Variants in KLHL25 observed in about 807,000 individuals in gnomAD.
KLHL25 encodes the protein kelch-like protein 25.
Under a neutral mutation model 30.0 loss-of-function variants are expected in KLHL25, and 41 were observed. That is an observed-to-expected ratio of 1.37 (90% CI 1.07 to 1.78). KLHL25 has a LOEUF of 1.78. KLHL25 is among the 40% of genes most tolerant of loss of function. The pLI is 0.00. For synonymous variants in KLHL25, 399 were observed against 355.3 expected (o/e 1.12, Z -1.38); for missense variants, 971 against 824.5 (o/e 1.18, Z -2.18).
At chr15:85,761,916 T>C (rs2089585978) in intron 2 of KLHL25, 1 of 152,256 alleles carries the variant, frequency 6.6e-6, no homozygotes, top group South Asian at 2.1e-4. Flanking sequence ...TCTAGTTGTA[T>C]GCTTGTGTGT....
At chr15:85,783,435 T>C (rs2089758275) in intron 1 of KLHL25, among the ~76,000 whole-genome samples, 1 of 151,830 alleles carries the variant, frequency 6.6e-6, no homozygotes, top group African/African-American at 2.4e-5. Context: ...TTCATGCCTA[T>C]AATCACAGCA....
intron 1 of KLHL25, among the ~76,000 whole-genome samples, chr15:85,779,185 C>T (rs2089728929): frequency 1.3e-5 from 2 of 152,152 alleles, no homozygotes; most frequent in African/African-American, 4.8e-5. Context: ...TGGGCAGCAC[C>T]TGCCTTTCTG....
chr15:85,787,998 G>A lies in KLHL25; in HGVS notation c.-11+6768C>T, dbSNP rs893292659. On this transcript the variant is annotated intron_variant, in intron 1 of 2. Coordinates refer to ENST00000337975, the MANE Select transcript of KLHL25 (RefSeq NM_022480.4). Reference sequence around the variant, plus strand: ...AATTGCTTGAACCCGGGAAGCGGAGGTGAGCTGAGATCGCGCCACCGCACT... The same window carrying A: ...AATTGCTTGAACCCGGGAAGCGGAGATGAGCTGAGATCGCGCCACCGCACT... 1.9e-4 allele frequency among the ~76,000 whole-genome samples: 28 copies of A among 145,210 alleles called. 1 individual carries two copies.
intron 1 of KLHL25, among the ~76,000 whole-genome samples, chr15:85,776,355 GGC>G (rs1433224703): frequency 6.6e-6 from 1 of 151,848 alleles, no homozygotes; most frequent in Non-Finnish European, 1.5e-5. Flanking sequence ...TGGGCATGGT[GGC>G]ACGCACCTGT....
rs143641376 is a variant in KLHL25, at chr15:85,769,494, T to G, written c.317A>C (p.Tyr106Ser). 6.2e-7 allele frequency: 1 copy of G among 1,613,676 alleles called. No homozygotes were observed. The highest frequency in any genetic ancestry group is 8.5e-7 in the Non-Finnish European group (1 of 1,179,976). Residue 106 changes from tyrosine to serine, a missense_variant, in exon 2 of 3, where the codon TAC becomes TCC. Coordinates refer to ENST00000337975, the MANE Select transcript of KLHL25 (RefSeq NM_022480.4). ...CTCGTTGATGGCGATGCGTGAGGAG[T>G]AGGCAAAGTCCAGCAGCAGCTCCAG... ...EVLELLLDFA[Y>S]SSRIAINEEN...
Position 85,768,167 on chromosome 15 carries a change from C to G in KLHL25, c.1644G>C (p.Gly548=). 6.2e-7 allele frequency: 1 copy of G among 1,614,196 alleles called. No homozygotes were observed. Among genetic ancestry groups the G allele is most frequent in the Middle Eastern group, 1.6e-4 (1 of 6,062 alleles). ...AGTCCAGAGTCTTACACCTCTGGGT[C>G]CCAAAGTAGCCCCCGACCACATAGA... ...NKLYVVGGYF[G]TQRCKTLDCY... The change falls in exon 2 of 3, where the codon GGG becomes GGC. Residue 548 remains glycine, a synonymous_variant. Transcript: ENST00000337975.
chr15:85,785,087 C>CTTTT (rs754310721), intron 1 of KLHL25, among the ~76,000 whole-genome samples: 4 of 139,070 alleles, frequency 2.9e-5, no homozygotes, highest in African/African-American at 5.3e-5. Context: ...TGATGTATTT[C>CTTTT]TTTTTTCTTT....
In KLHL25 at chr15:85,769,640, G is replaced by A. The variant is rs776867110; in HGVS notation, c.171C>T (p.Phe57=). ...DVTLWAGDRA[F]PCHRAVLAAS... The stretch of plus-strand genomic sequence containing the variant: ...CGGCCAGCACGGCACGGTGACAGGG[G>A]AAGGCACGGTCGCCCGCCCAGAGTG... Residue 57 remains phenylalanine (F), a synonymous_variant, in exon 2 of 3, where the codon TTC becomes TTT. Transcript: ENST00000337975. 6.2e-7 allele frequency: 1 copy of A among 1,613,578 alleles called. No individual in the cohort carries two copies.
chr15:85,786,516 T>G (rs953438417), intron 1 of KLHL25, among the ~76,000 whole-genome samples: 1 of 152,258 alleles, frequency 6.6e-6, no homozygotes, highest in Non-Finnish European at 1.5e-5. Context: ...CCACTGCCCC[T>G]TTCTGGGCCT....
chr15:85,764,842 C>G (rs1213503312), intron 2 of KLHL25, among the ~76,000 whole-genome samples: 2 of 152,264 alleles, frequency 1.3e-5, no homozygotes, highest in Non-Finnish European at 2.9e-5. Flanking sequence ...ATGAGTAATA[C>G]AATTTCCACT....
At position 85,769,741 on chromosome 15, in the gene KLHL25, G is replaced by A; in HGVS notation, c.70C>T (p.His24Tyr). Reference protein sequence around the residue: ...STGSMNVTLFHKASHPDCVLA... With the variant: ...STGSMNVTLFYKASHPDCVLA... The stretch of plus-strand genomic sequence containing the variant: ...ACACAGTCCGGGTGGGAGGCCTTGT[G>A]GAAGAGGGTGACGTTCATGGACCCC... The change falls in exon 2 of 3, where the codon CAC (histidine) becomes TAC (tyrosine). Residue 24 changes from histidine (H) to tyrosine (Y), a missense_variant. Transcript: ENST00000337975. 1.2e-6 allele frequency: 2 copies of A among 1,613,756 alleles called. No individual in the cohort carries two copies. The highest frequency in any genetic ancestry group is 1.6e-4 in the Middle Eastern group (1 of 6,062).
At chr15:85,783,351 C>A (rs1199137824) in intron 1 of KLHL25, among the ~76,000 whole-genome samples, 1 of 151,914 alleles carries the variant, frequency 6.6e-6, no homozygotes, top group Non-Finnish European at 1.5e-5. Flanking sequence ...GCCTTGGCCT[C>A]CCAAAGTGCT....
chr15:85,775,911 C>A (rs550821450), intron 1 of KLHL25, among the ~76,000 whole-genome samples: 9 of 148,334 alleles, frequency 6.1e-5, no homozygotes, highest in South Asian at 2.1e-4. Context: ...TGGTGGCTCA[C>A]ACCTGCAATC....
At chr15:85,790,861 T>C (rs1296804830) in intron 1 of KLHL25, among the ~76,000 whole-genome samples, 1 of 151,320 alleles carries the variant, frequency 6.6e-6, no homozygotes, top group African/African-American at 2.4e-5. Flanking sequence ...TATGGTGCAA[T>C]TTCTCAATGA....
chr15:85,792,636 CCTT>C (rs986007966), intron 1 of KLHL25, among the ~76,000 whole-genome samples: 4 of 152,190 alleles, frequency 2.6e-5, no homozygotes, highest in African/African-American at 9.7e-5. Context: ...CGAGAGCAAA[CCTT>C]CTACCACCTC....
At chr15:85,786,544 G>A (rs566467717) in intron 1 of KLHL25, among the ~76,000 whole-genome samples, 3 of 152,318 alleles carry the variant, frequency 2.0e-5, no homozygotes, top group Non-Finnish European at 4.4e-5. Context: ...GACCAGCTAC[G>A]GAACTCTCTC....
At position 85,769,380 on chromosome 15, in the gene KLHL25, A is replaced by AGGTTCT; in HGVS notation, c.425_430dup (p.Asn143_Leu144insGlnAsn). ...CATGCCCAGGCAGTTGGAGGGGAAA[A>AGGTTCT]GGTTCTTCTCCAGGAACTCGGCGGC... is the stretch of plus-strand genomic sequence containing the variant. On this transcript the variant is annotated inframe_insertion, in exon 2 of 3. Transcript: ENST00000337975. 6.2e-7 allele frequency: 1 copy of AGGTTCT among 1,614,116 alleles called. No individual in the cohort carries two copies. The highest frequency in any genetic ancestry group is 8.5e-7 in the Non-Finnish European group (1 of 1,180,034).
At chr15:85,765,638 AGAAG>A in intron 2 of KLHL25, among the ~76,000 whole-genome samples, 1 of 98,390 alleles carries the variant, frequency 1.0e-5, no homozygotes, top group Admixed American at 1.1e-4. Flanking sequence ...AAAAAAAAGA[AGAAG>A]AAGAAGAAGA....
At chr15:85,774,109 G>A (rs1475724009) in intron 1 of KLHL25, among the ~76,000 whole-genome samples, 4 of 152,164 alleles carry the variant, frequency 2.6e-5, no homozygotes, top group Admixed American at 2.6e-4. Flanking sequence ...GCGGCGGGGG[G>A]TGGGGAGCAT....
Sources: allele counts gnomAD v4.1 joint callset (sites outside exome capture counted in the v4.1 genomes callset), GRCh38; gene constraint gnomAD v4.1.1; transcripts MANE v1.5; gene names NCBI Gene and HGNC (gene_info 2026-07-23, HGNC 2026-07-21).